SPIDR: variants seen among roughly 807,000 people sequenced by gnomAD.
The protein encoded by SPIDR is scaffold protein involved in DNA repair, also known as DNA repair-scaffolding protein.
A neutral mutation model predicts 104.6 loss-of-function variants in SPIDR; 93 were observed. The observed-to-expected ratio is 0.89, with a 90% CI of 0.75 to 1.06. The LOEUF (loss-of-function observed/expected upper bound fraction) is 1.06. Ranked by LOEUF, SPIDR falls within the 50% of genes least tolerant of loss-of-function variation. SPIDR has a pLI of 0.00. For missense variants in SPIDR, 1,154 were observed against 1,111.2 expected, an observed-to-expected ratio of 1.04 and a Z score of -0.55; for synonymous variants, 431 against 416.9, an observed-to-expected ratio of 1.03 and a Z score of -0.41.
intron 5 of SPIDR, among the ~76,000 whole-genome samples, chr8:47,340,331 GC>G (rs1244626236): frequency 6.6e-6 from 1 of 152,116 alleles, no homozygotes; most frequent in African/African-American, 2.4e-5. Flanking sequence ...TAGGCCAGGT[GC>G]AGTGGCTCAT....
chr8:47,586,460 T>G (rs1346076149), intron 8 of SPIDR, among the ~76,000 whole-genome samples: 1 of 152,252 alleles, frequency 6.6e-6, no homozygotes, highest in Non-Finnish European at 1.5e-5. Context: ...ACTGTGGTTT[T>G]AATGTGCATT....
At chr8:47,440,099 A>T (rs562155046) in intron 7 of SPIDR, among the ~76,000 whole-genome samples, 61 of 152,372 alleles carry the variant, frequency 4.0e-4, no homozygotes, top group African/African-American at 1.4e-3. Flanking sequence ...TATGCTGCTT[A>T]AAATCCATGT....
chr8:47,428,560 T>G (rs1468064077), intron 7 of SPIDR, among the ~76,000 whole-genome samples: 1 of 152,264 alleles, frequency 6.6e-6, no homozygotes, highest in Admixed American at 6.5e-5. Flanking sequence ...TTTTTTGCCT[T>G]TAAAATCTTT....
At chr8:47,539,203 TAA>T (rs952199974) in intron 8 of SPIDR, among the ~76,000 whole-genome samples, 10 of 152,132 alleles carry the variant, frequency 6.6e-5, no homozygotes, top group Admixed American at 5.9e-4. Flanking sequence ...ATGTGATAGA[TAA>T]AGAGACTAGA....
chr8:47,464,113 T>TACACACACAC (rs113515816), intron 8 of SPIDR, among the ~76,000 whole-genome samples: 2 of 143,366 alleles, frequency 1.4e-5, no homozygotes, highest in South Asian at 2.3e-4. Flanking sequence ...CTAAAGATTA[T>TACACACACAC]ACACACACAC....
chr8:47,411,842 G>A (rs942869116), intron 7 of SPIDR, among the ~76,000 whole-genome samples: 1 of 152,284 alleles, frequency 6.6e-6, no homozygotes, highest in Admixed American at 6.5e-5. Flanking sequence ...TAAGGTGTAA[G>A]GAAGGGATCC....
chr8:47,434,323 CACAT>C (rs879987256), intron 7 of SPIDR, among the ~76,000 whole-genome samples: 3 of 152,032 alleles, frequency 2.0e-5, no homozygotes, highest in Non-Finnish European at 2.9e-5. Flanking sequence ...TCTGCACACT[CACAT>C]GCATGCTGGG....
At chr8:47,621,256 A>G (rs756019011) in intron 10 of SPIDR, among the ~76,000 whole-genome samples, 3 of 152,218 alleles carry the variant, frequency 2.0e-5, no homozygotes, top group Non-Finnish European at 2.9e-5. Flanking sequence ...CGCCCGGCCA[A>G]TTCATATGGG....
intron 11 of SPIDR, among the ~76,000 whole-genome samples, chr8:47,680,278 G>C (rs191719936): frequency 1.2e-4 from 18 of 152,356 alleles, no homozygotes; most frequent in Non-Finnish European, 2.1e-4. Flanking sequence ...GTCAATTACA[G>C]AGGAGGAAGC....
At chr8:47,603,409 T>C (rs971227433) in intron 10 of SPIDR, among the ~76,000 whole-genome samples, 1 of 152,152 alleles carries the variant, frequency 6.6e-6, no homozygotes, top group Non-Finnish European at 1.5e-5. Flanking sequence ...TTTTCTTTTT[T>C]TTGAAACATG....
At chr8:47,529,808 A>G (rs1587242403) in intron 8 of SPIDR, among the ~76,000 whole-genome samples, 1 of 152,224 alleles carries the variant, frequency 6.6e-6, no homozygotes, top group African/African-American at 2.4e-5. Context: ...AGATACAAGG[A>G]GGAATTAGAA....
chr8:47,441,127 C>A (rs547611250), intron 8 of SPIDR, among the ~76,000 whole-genome samples: 3 of 152,172 alleles, frequency 2.0e-5, no homozygotes, highest in African/African-American at 7.2e-5. Context: ...TTAATTTTTT[C>A]GTAATTTTTT....
intron 8 of SPIDR, among the ~76,000 whole-genome samples, chr8:47,498,419 G>A (rs1185775210): frequency 1.3e-5 from 2 of 152,084 alleles, no homozygotes; most frequent in Admixed American, 1.3e-4. Flanking sequence ...ATTTTTAAAA[G>A]CAACCCAGAA....
chr8:47,665,305 A>G (rs1428895153), intron 10 of SPIDR, among the ~76,000 whole-genome samples: 1 of 152,218 alleles, frequency 6.6e-6, no homozygotes, highest in Non-Finnish European at 1.5e-5. Context: ...CAAAATGCTG[A>G]AAGAAACAAA....
intron 8 of SPIDR, chr8:47,547,105 C>T (rs2089538518): frequency 1.8e-6 from 1 of 569,312 alleles, no homozygotes; most frequent in Non-Finnish European, 3.4e-6. Context: ...GTTTCCAAAT[C>T]AATCTGAATG....
chr8:47,720,893 G>T (rs568672295), intron 16 of SPIDR, among the ~76,000 whole-genome samples: 2 of 152,134 alleles, frequency 1.3e-5, no homozygotes, highest in South Asian at 4.2e-4. Context: ...GAGTAGCTGG[G>T]ATTACAGGCG....
rs2069181052 is a variant in SPIDR, at chr8:47,440,378, C to T, written c.933C>T (p.Ala311=). 1.2e-6 allele frequency: 2 copies of T among 1,614,074 alleles called. No individual in the cohort carries two copies. The highest frequency in any genetic ancestry group is 8.5e-7 in the Non-Finnish European group (1 of 1,180,022). ...VKILELHEEC[A]MQVAMCEQLL... ...TTTTAGAGCTGCATGAGGAATGTGC[C>T]ATGCAAGTTGCCATGTGTGAGCAGT... The change falls in exon 8 of 20, where the codon GCC becomes GCT. Residue 311 remains alanine, a synonymous_variant. Transcript: ENST00000297423.
chr8:47,558,016 G>T (rs536327344), intron 8 of SPIDR, among the ~76,000 whole-genome samples: 2 of 152,306 alleles, frequency 1.3e-5, no homozygotes, highest in East Asian at 3.9e-4. Flanking sequence ...CATGGATGCA[G>T]CTGGAGGCCA....
Position 47,299,803 on chromosome 8 carries a change from A to G in SPIDR, c.525+5773A>G, listed in dbSNP as rs1413823661. Among the ~76,000 whole-genome samples the G allele has an allele frequency of 3.3e-5, 5 of 152,290 alleles. No individual in the cohort carries two copies. In the East Asian group the frequency reaches 9.6e-4, roughly 29 times the overall value. On this transcript the variant is annotated intron_variant, in intron 5 of 19. Transcript: ENST00000297423. ...GCCTTGCATCCCAGGGATGAAGCCC[A>G]CTTGATCATGGTGGATAAGGTTTTT...
Sources: allele counts gnomAD v4.1 joint callset (sites outside exome capture counted in the v4.1 genomes callset), GRCh38; gene constraint gnomAD v4.1.1; transcripts MANE v1.5; gene names NCBI Gene and HGNC (gene_info 2026-07-23, HGNC 2026-07-21).